Variants in ASB15 observed in about 807,000 individuals in gnomAD.
The protein encoded by ASB15 is ankyrin repeat and SOCS box protein 15.
In ASB15, 54 loss-of-function variants were observed where a neutral mutation model predicts 58.0. The ratio of observed to expected loss-of-function variants is 0.93; its 90% CI spans 0.75 to 1.17. The LOEUF (loss-of-function observed/expected upper bound fraction) is 1.17, where lower values mean the gene tolerates loss of function less well. ASB15 is among the 50% of genes most tolerant of loss of function. The pLI is 0.00. For missense variants in ASB15, 680 were observed against 707.4 expected (o/e 0.96, Z 0.44); for synonymous variants, 249 against 262.4 (o/e 0.95, Z 0.50).
upstream of ASB15, among the ~76,000 whole-genome samples, chr7:123,601,062 G>T (rs141596529): frequency 0.012 from 1,847 of 152,282 alleles, 11 homozygotes; most frequent in Non-Finnish European, 0.018. Flanking sequence ...TTTAGTAGGG[G>T]GGTGTAGGGG....
At chr7:123,600,438 G>A (rs1384044709), upstream of ASB15, among the ~76,000 whole-genome samples, 2 of 152,078 alleles carry the variant, frequency 1.3e-5, no homozygotes, top group Non-Finnish European at 2.9e-5. Flanking sequence ...AAAGTGTTAG[G>A]TGCACATTTT....
intron 2 of ASB15, among the ~76,000 whole-genome samples, chr7:123,605,887 A>G (rs534324089): frequency 5.9e-5 from 9 of 152,192 alleles, no homozygotes; most frequent in Non-Finnish European, 7.3e-5. Flanking sequence ...AAAACTACCT[A>G]TGAGGTACTA....
intron 3 of ASB15, chr7:123,609,230 A>G (rs1345579856): frequency 1.3e-5 from 2 of 152,088 alleles, no homozygotes; most frequent in Non-Finnish European, 2.9e-5. Flanking sequence ...ATTGTATTCT[A>G]TTGACCCTTT....
chr7:123,590,074 T>A (rs570788950), intron 1 of ASB15, among the ~76,000 whole-genome samples: 5 of 152,294 alleles, frequency 3.3e-5, no homozygotes, highest in African/African-American at 1.2e-4. Context: ...TGATCAGTGA[T>A]GGTGAGCATT....
At chr7:123,587,054 C>G (rs1305175688) in intron 1 of ASB15, among the ~76,000 whole-genome samples, 1 of 151,550 alleles carries the variant, frequency 6.6e-6, no homozygotes, top group Non-Finnish European at 1.5e-5. Flanking sequence ...CATTTAAGGT[C>G]TTTTTTGGTT....
intron 1 of ASB15, among the ~76,000 whole-genome samples, chr7:123,575,576 A>T (rs1358241092): frequency 6.6e-6 from 1 of 152,004 alleles, no homozygotes; most frequent in Non-Finnish European, 1.5e-5. Context: ...TCTACAGTGA[A>T]ATATTTTCAA....
At position 123,638,891 on chromosome 7, in the gene ASB15, G is replaced by T. The variant is rs912388691; in HGVS notation, c.*1910G>T. ...CCCACTAGACTATAAGCTCTATGAG[G>T]GTAGGTTCTATGTTTGTTTTGTTTT... On this transcript the variant is annotated 3_prime_UTR_variant, in exon 12 of 12. Transcript: ENST00000451215. The T allele has an allele frequency of 1.3e-5, 2 of 152,128 alleles. No individual in the cohort carries two copies. Among genetic ancestry groups the T allele is most frequent in the Non-Finnish European group, 2.9e-5 (2 of 68,040 alleles). 9.4% of individuals were successfully genotyped at this position (152,128 alleles called of 1,614,324 possible).
rs1385150653 is a variant in ASB15 at position 123,617,701 on chromosome 7, AC to A, written c.416del (p.Thr139LysfsTer11). ...ATTAGAAAAGGGAGTGTGGCCCAAC[AC>A]AAAAAATGATAAAGGAGAGACCCCC... is the stretch of plus-strand genomic sequence containing the variant. ...TLLEKGVWPN[T>X]KNDKGETPLL... On this transcript the variant is annotated frameshift_variant, in exon 7 of 12. Coordinates refer to ENST00000451215, the MANE Select transcript of ASB15 (RefSeq NM_001290258.2). LOFTEE classifies it high-confidence loss of function. 1 of 1,613,212 alleles carries A rather than the reference AC, an allele frequency of 6.2e-7. No homozygotes were observed. The highest frequency in any genetic ancestry group is 2.2e-5 in the East Asian group (1 of 44,870).
At chr7:123,580,304 G>C (rs569294989) in intron 1 of ASB15, among the ~76,000 whole-genome samples, 1 of 152,124 alleles carries the variant, frequency 6.6e-6, no homozygotes, top group East Asian at 1.9e-4. Context: ...CTGTTGCACT[G>C]CTTTTTACAT....
intron 1 of ASB15, among the ~76,000 whole-genome samples, chr7:123,591,401 G>T (rs1444124006): frequency 1.3e-5 from 2 of 152,148 alleles, no homozygotes; most frequent in East Asian, 3.9e-4. Flanking sequence ...AATGCTTCCA[G>T]TTTTTGCCCA....
chr7:123,630,938 A>G (rs527521969), intron 11 of ASB15, among the ~76,000 whole-genome samples: 1 of 152,296 alleles, frequency 6.6e-6, no homozygotes, highest in African/African-American at 2.4e-5. Flanking sequence ...GTCTTGGAGA[A>G]TCTGATGAGT....
chr7:123,595,104 C>T (rs1023167907), intron 1 of ASB15, among the ~76,000 whole-genome samples: 1 of 152,202 alleles, frequency 6.6e-6, no homozygotes, highest in African/African-American at 2.4e-5. Context: ...ACGTGGAACT[C>T]GCTGAGCCAG....
intron 1 of ASB15, among the ~76,000 whole-genome samples, chr7:123,579,619 G>C (rs947577144): frequency 2.6e-5 from 4 of 152,034 alleles, no homozygotes; most frequent in Non-Finnish European, 4.4e-5. Flanking sequence ...TTTAGAACAA[G>C]TTTGCAACAT....
chr7:123,616,448 A>G lies in ASB15; in HGVS notation c.245A>G (p.Glu82Gly). 1 of 1,612,282 alleles carries G rather than the reference A, an allele frequency of 6.2e-7. No individual in the cohort carries two copies. Among genetic ancestry groups the G allele is most frequent in the Non-Finnish European group, 8.5e-7 (1 of 1,178,578 alleles). Residue 82 changes from glutamate (E) to glycine (G), a missense_variant, in exon 6 of 12, where the codon GAA becomes GGA. By Grantham distance (98) the Glu-to-Gly change is moderately conservative. Coordinates refer to ENST00000451215, the MANE Select transcript of ASB15 (RefSeq NM_001290258.2). Reference protein sequence around the residue: ...ADEKGWFPLHEAVVQPIQQIL... With the variant: ...ADEKGWFPLHGAVVQPIQQIL... Reference sequence around the variant, plus strand: ...GAAAAAGGATGGTTTCCATTGCATGAAGCTGTTGTTCAACCCATTCAACAA... The same window carrying G: ...GAAAAAGGATGGTTTCCATTGCATGGAGCTGTTGTTCAACCCATTCAACAA...
chr7:123,628,986 GTTTT>G lies in ASB15; in HGVS notation c.993_996del (p.Phe332MetfsTer46), dbSNP rs1801974710. 6.2e-7 allele frequency: 1 copy of G among 1,613,378 alleles called. No homozygotes were observed. On this transcript the variant is annotated frameshift_variant, in exon 10 of 12. Transcript: ENST00000451215. LOFTEE classifies it high-confidence loss of function. ...TGTCTAGAACTGCTCATTGAAAATG[GTTTT>G]GATGTCAACACTCTACTTGCTGACC...
At chr7:123,602,322 A>T (rs1037650128) in intron 1 of ASB15, among the ~76,000 whole-genome samples, 1 of 152,162 alleles carries the variant, frequency 6.6e-6, no homozygotes, top group Non-Finnish European at 1.5e-5. Context: ...CACTTGTTGA[A>T]AAAGATGAAT....
intron 1 of ASB15, among the ~76,000 whole-genome samples, chr7:123,588,429 G>T (rs1254916587): frequency 6.6e-6 from 1 of 151,200 alleles, no homozygotes; most frequent in Non-Finnish European, 1.5e-5. Context: ...GCCAGCTAAA[G>T]TTTCGTTAAT....
chr7:123,591,503 C>T (rs1244878703), intron 1 of ASB15, among the ~76,000 whole-genome samples: 1 of 152,086 alleles, frequency 6.6e-6, no homozygotes, highest in African/African-American at 2.4e-5. Context: ...AGAGTTTTAA[C>T]ATGAAAGGCT....
chr7:123,608,622 C>G lies in ASB15; in HGVS notation c.-35C>G, dbSNP rs1165082677. 1 of 152,144 alleles carries G rather than the reference C, an allele frequency of 6.6e-6. No individual in the cohort carries two copies. The highest frequency in any genetic ancestry group is 2.4e-5 in the African/African-American group (1 of 41,440). 9.4% of individuals were successfully genotyped at this position (152,144 alleles called of 1,614,324 possible). ...TTCTCTTCAGTAGAAAAGGCAAATA[C>G]CATAAAGAAGGAATCGCTGTAACTT... On this transcript the variant is annotated 5_prime_UTR_variant, in exon 3 of 12. Transcript: ENST00000451215.
Sources: allele counts gnomAD v4.1 joint callset (sites outside exome capture counted in the v4.1 genomes callset), GRCh38; gene constraint gnomAD v4.1.1; transcripts MANE v1.5; gene names NCBI Gene and HGNC (gene_info 2026-07-23, HGNC 2026-07-21).